Variants in TMC4 observed in about 807,000 individuals in gnomAD.
The protein encoded by TMC4 is voltage-gated chloride channel TMC4.
In TMC4, 70 loss-of-function variants were observed where a neutral mutation model predicts 82.0. The observed-to-expected ratio is 0.85, with a 90% CI of 0.70 to 1.04. The LOEUF (loss-of-function observed/expected upper bound fraction) is 1.04. Among genes scored for constraint, TMC4 ranks in the 50% least tolerant of loss-of-function variants. The pLI, the probability that TMC4 is intolerant of heterozygous loss-of-function variation, is 0.00. For synonymous variants in TMC4, 446 were observed against 406.0 expected (o/e 1.10, Z -1.18); for missense variants, 879 against 899.0 (o/e 0.98, Z 0.28).
Position 54,169,690 on chromosome 19 carries a change from G to T in TMC4, c.294-30C>A, listed in dbSNP as rs1480944393. Reference sequence around the variant, plus strand: ...GAGGGAAACAGGCAGAAAATGAGGGGTTTCGCAGCCCCAGACTGGGAACCA... The same window carrying T: ...GAGGGAAACAGGCAGAAAATGAGGGTTTTCGCAGCCCCAGACTGGGAACCA... On this transcript the variant is annotated intron_variant, in intron 2 of 14. Transcript: ENST00000619895. 1.9e-6 allele frequency: 3 copies of T among 1,609,914 alleles called. No individual in the cohort carries two copies. The African/African-American group carries it at 4.0e-5, about 22-fold the overall frequency.
chr19:54,168,446 A>C lies in TMC4; in HGVS notation c.675+2T>G. The C allele has an allele frequency of 6.5e-7, 1 of 1,541,416 alleles. No homozygotes were observed. The highest frequency in any genetic ancestry group is 1.2e-5 in the South Asian group (1 of 82,972). On this transcript the variant is annotated splice_donor_variant, in intron 4 of 14. Coordinates refer to ENST00000619895, the MANE Select transcript of TMC4 (RefSeq NM_144686.4). LOFTEE classifies it high-confidence loss of function. ...GAATCCCCCAGGGACCCAGGCACCT[A>C]CCTCACCCGAGAGCAAGTTGAAGAG... is the stretch of plus-strand genomic sequence containing the variant.
Position 54,160,509 on chromosome 19 carries a change from G to A in TMC4, c.2010C>T (p.Ser670=). Residue 670 remains serine, a synonymous_variant, in exon 14 of 15, where the codon TCC becomes TCT. Transcript: ENST00000619895. ...LMAYTVALAN[S]YGRLISELKR... ...TGAGCTCAGAGATGAGGCGTCCGTA[G>A]GAGTTAGCCAGAGCCACAGTGTACG... 1 of 1,614,198 alleles carries A rather than the reference G, an allele frequency of 6.2e-7. No homozygotes were observed. Among genetic ancestry groups the A allele is most frequent in the South Asian group, 1.1e-5 (1 of 91,084 alleles).
Position 54,172,102 on chromosome 19 carries a change from C to CT in TMC4, c.80-20dup. 3.9e-6 allele frequency: 6 copies of CT among 1,522,090 alleles called. No individual in the cohort carries two copies. Among genetic ancestry groups the CT allele is most frequent in the Non-Finnish European group, 4.4e-6 (5 of 1,132,542 alleles). The allele number at this position is 1,522,090 out of a possible 1,614,324, so 94.3% of individuals were successfully genotyped here. ...GATGGGCCTGGGGAGGAGCAGGGGG[C>CT]TGGGAAGACCCGGGAGTCTGGGCCC... On this transcript the variant is annotated intron_variant, in intron 1 of 14. Coordinates refer to ENST00000619895, the MANE Select transcript of TMC4 (RefSeq NM_144686.4).
chr19:54,163,934 G>C, intron 7 of TMC4, 47 bp from the exon 8 acceptor site: 7 of 1,598,178 alleles, frequency 4.4e-6, no homozygotes, highest in Non-Finnish European at 6.0e-6. Context: ...TCCTGGAGGA[G>C]CCAAGCTTAA....
chr19:54,163,376 T>C, intron 8 of TMC4: 1 of 668,898 alleles, frequency 1.5e-6, no homozygotes, highest in Admixed American at 3.0e-5. Flanking sequence ...AGTGGCGCGA[T>C]CTCAGCTCAC....
intron 8 of TMC4, chr19:54,163,395 C>T (rs2075619409): frequency 3.1e-6 from 2 of 639,762 alleles, no homozygotes; most frequent in African/African-American, 1.8e-5. Context: ...ACTGCAACCT[C>T]CACCTCCCAG....
intron 8 of TMC4, chr19:54,163,519 G>T: frequency 1.5e-6 from 1 of 645,680 alleles, no homozygotes; most frequent in Non-Finnish European, 2.7e-6. Context: ...TGTTTGTCAG[G>T]CTGGTCTCGA....
At chr19:54,165,731 C>T (rs2075687909) in intron 5 of TMC4, among the ~76,000 whole-genome samples, 165 bp from the exon 6 acceptor site, 1 of 152,082 alleles carries the variant, frequency 6.6e-6, no homozygotes, top group Non-Finnish European at 1.5e-5. Flanking sequence ...GAGGCGGAGA[C>T]ACAGTCATTG....
Position 54,160,217 on chromosome 19 carries a change from A to C in TMC4, c.*89T>G. On this transcript the variant is annotated 3_prime_UTR_variant, in exon 15 of 15. Coordinates refer to ENST00000619895, the MANE Select transcript of TMC4 (RefSeq NM_144686.4). ...AGATACCAAAGCTGGAAGGGCGTGG[A>C]GTCTTCTCCAGTTCTCCTAGTTTAC... is the stretch of plus-strand genomic sequence containing the variant. 1 of 1,362,576 alleles carries C rather than the reference A, an allele frequency of 7.3e-7. No homozygotes were observed. The highest frequency in any genetic ancestry group is 9.8e-7 in the Non-Finnish European group (1 of 1,017,818). The allele number at this position is 1,362,576 out of a possible 1,614,324, so 84.4% of individuals were successfully genotyped here.
chr19:54,168,594 A>C lies in TMC4; in HGVS notation c.529T>G (p.Cys177Gly). 6.3e-7 allele frequency: 1 copy of C among 1,594,424 alleles called. No individual in the cohort carries two copies. Among genetic ancestry groups the C allele is most frequent in the Middle Eastern group, 1.7e-4 (1 of 5,818 alleles). ...AACCAGGTGGGCAGCAGCGTCATGC[A>C]GGCCATGAGCACAGAGGCCAGCACG... ...LNVLASVLMA[C>G]MTLLPTWLGG... Residue 177 changes from cysteine to glycine, a missense_variant, in exon 4 of 15, where the codon TGC (cysteine) becomes GGC (glycine). Coordinates refer to ENST00000619895, the MANE Select transcript of TMC4 (RefSeq NM_144686.4).
chr19:54,169,427 C>A, intron 3 of TMC4, 85 bp downstream of exon 3: 1 of 1,497,824 alleles, frequency 6.7e-7, no homozygotes, highest in Non-Finnish European at 8.9e-7. Flanking sequence ...CTCCCTCAAA[C>A]CCAGGAGTCC....
intron 6 of TMC4, among the ~76,000 whole-genome samples, chr19:54,165,173 G>A (rs1208113774): frequency 1.3e-5 from 2 of 150,550 alleles, no homozygotes; most frequent in African/African-American, 4.9e-5. Context: ...CTCCCAAAGT[G>A]CTGGGGTTAC....
chr19:54,164,399 G>T, intron 7 of TMC4, 35 bp downstream of exon 7: 1 of 1,576,754 alleles, frequency 6.3e-7, no homozygotes. Context: ...TAGGTTCCAG[G>T]ACCCCCTGGC....
chr19:54,168,628 G>A lies in TMC4; in HGVS notation c.495C>T (p.Leu165=). The A allele has an allele frequency of 1.3e-6, 2 of 1,593,836 alleles. No individual in the cohort carries two copies. The highest frequency in any genetic ancestry group is 1.7e-6 in the Non-Finnish European group (2 of 1,170,334). The change falls in exon 4 of 15, where the codon CTC becomes CTT. Residue 165 remains leucine, a synonymous_variant. Coordinates refer to ENST00000619895, the MANE Select transcript of TMC4 (RefSeq NM_144686.4). ...GCACAGAGGCCAGCACGTTAAGAAG[G>A]AGCAGGAAGCGCAGCAGGGAGAAGT... ...ESYFSLLRFL[L]LLNVLASVLM... is the part of the protein sequence containing the mutation.
intron 2 of TMC4, among the ~76,000 whole-genome samples, chr19:54,170,487 C>T (rs2075856677): frequency 6.6e-6 from 1 of 152,138 alleles, no homozygotes; most frequent in South Asian, 2.1e-4. Context: ...ATACAGCCAT[C>T]CCTCAGTATC....
chr19:54,165,529 A>C lies in TMC4; in HGVS notation c.835T>G (p.Ser279Ala). 1.2e-6 allele frequency: 2 copies of C among 1,611,290 alleles called. No homozygotes were observed. The highest frequency in any genetic ancestry group is 2.2e-5 in the South Asian group (2 of 90,896). The change falls in exon 6 of 15, where the codon TCC becomes GCC. Residue 279 changes from serine (S) to alanine (A), a missense_variant. Physicochemically the swap from Ser to Ala is moderately conservative, Grantham distance 99. Transcript: ENST00000619895. ...SGLKQTLLAE[S>A]EALTSYSHRV... ...TGGCTGTAGCTGGTCAGAGCCTCGG[A>C]CTCCGCCAGCAGTGTCTGCTTCAGC...
At chr19:54,167,795 G>A (rs556346622) in intron 5 of TMC4, among the ~76,000 whole-genome samples, 1 of 151,964 alleles carries the variant, frequency 6.6e-6, no homozygotes, top group South Asian at 2.1e-4. Flanking sequence ...GGGCGCGGTG[G>A]CTCACGCCTG....
In TMC4 at chr19:54,168,142, C is replaced by T. The variant is rs1337760783; in HGVS notation, c.797+29G>A. 5 of 1,588,300 alleles carry T rather than the reference C, an allele frequency of 3.1e-6. No homozygotes were observed. In the African/African-American group the frequency reaches 6.7e-5, roughly 21 times the overall value. On this transcript the variant is annotated intron_variant, in intron 5 of 14. Transcript: ENST00000619895. ...GCTTCCCCACCCCAACCCGTCCCGT[C>T]AGGGGTCAGGGGTGCAGGTGCCACT... is the stretch of plus-strand genomic sequence containing the variant.
intron 5 of TMC4, among the ~76,000 whole-genome samples, chr19:54,166,505 C>A (rs2075709219): frequency 6.6e-6 from 1 of 152,162 alleles, no homozygotes; most frequent in African/African-American, 2.4e-5. Context: ...CTCATGTGAA[C>A]AACCACAGAG....
Sources: allele counts gnomAD v4.1 joint callset (sites outside exome capture counted in the v4.1 genomes callset), GRCh38; gene constraint gnomAD v4.1.1; transcripts MANE v1.5; gene names NCBI Gene and HGNC (gene_info 2026-07-23, HGNC 2026-07-21).